The following UBE2L3 variants were observed in gnomAD, a reference collection of about 807,000 sequenced individuals.
UBE2L3 encodes ubiquitin-conjugating enzyme E2 L3.
In UBE2L3, 1 loss-of-function variant was observed where a neutral mutation model predicts 17.8. The ratio of observed to expected loss-of-function variants is 0.06; its 90% CI spans 0.02 to 0.27. The LOEUF (loss-of-function observed/expected upper bound fraction) is 0.27, where lower values mean the gene tolerates loss of function less well. Ranked by LOEUF, UBE2L3 falls within the 10% of genes least tolerant of loss-of-function variation. The pLI is 1.00. For synonymous variants in UBE2L3, 44 were observed against 68.5 expected (o/e 0.64, Z 1.76); for missense variants, 40 against 192.6 (o/e 0.21, Z 4.69).
At chr22:21,594,385 G>A (rs947864163) in intron 2 of UBE2L3, among the ~76,000 whole-genome samples, 4 of 151,666 alleles carry the variant, frequency 2.6e-5, no homozygotes, top group African/African-American at 9.7e-5. Context: ...CCTGATGCTG[G>A]TTATAAGGTG....
At chr22:21,577,573 A>T (rs1380160022) in intron 1 of UBE2L3, among the ~76,000 whole-genome samples, 2 of 152,188 alleles carry the variant, frequency 1.3e-5, no homozygotes, top group Non-Finnish European at 2.9e-5. Context: ...GAGGAGGCTG[A>T]AGTCAGTGGT....
chr22:21,575,792 C>T (rs1312202838), intron 1 of UBE2L3, among the ~76,000 whole-genome samples: 2 of 150,714 alleles, frequency 1.3e-5, no homozygotes, highest in African/African-American at 2.4e-5. Flanking sequence ...TACAGATATG[C>T]GCCACCATAC....
chr22:21,622,007 C>G lies in UBE2L3; in HGVS notation c.*338C>G. ...AAGGTTTAAAAAAAAGGAAAAAAAACGGTTGTGGTTCCCTTTCTTCCCTAC... is the reference window on the plus strand; with the variant it reads ...AAGGTTTAAAAAAAAGGAAAAAAAAGGGTTGTGGTTCCCTTTCTTCCCTAC... On this transcript the variant is annotated 3_prime_UTR_variant, in exon 4 of 4. Coordinates refer to ENST00000342192, the MANE Select transcript of UBE2L3 (RefSeq NM_003347.4). The G allele has an allele frequency of 4.7e-6, 1 of 212,472 alleles. No homozygotes were observed. The highest frequency in any genetic ancestry group is 9.3e-6 in the Non-Finnish European group (1 of 107,298). 13.2% of individuals were successfully genotyped at this position (212,472 alleles called of 1,614,324 possible). A position where few individuals can be genotyped will look rare whatever the true frequency, so the allele number is the denominator to read the frequency against.
chr22:21,567,751 G>A lies in UBE2L3; in HGVS notation c.7G>A (p.Ala3Thr). Reference protein sequence around the residue: MAASRRLMKELEE... With the variant: MATSRRLMKELEE... ...GAGCAGCACCAAATCCAAGATGGCG[G>A]CCAGCAGGAGGCTGATGAAGGTAAA... The change falls in exon 1 of 4, where the codon GCC becomes ACC. Residue 3 changes from alanine (A) to threonine (T), a missense_variant. Physicochemically the swap from Ala to Thr is moderately conservative, Grantham distance 58. Coordinates refer to ENST00000342192, the MANE Select transcript of UBE2L3 (RefSeq NM_003347.4). 1 of 1,583,376 alleles carries A rather than the reference G, an allele frequency of 6.3e-7. No individual in the cohort carries two copies. Among genetic ancestry groups the A allele is most frequent in the Non-Finnish European group, 8.6e-7 (1 of 1,166,374 alleles).
intron 3 of UBE2L3, among the ~76,000 whole-genome samples, chr22:21,620,564 G>A (rs1339243466): frequency 6.6e-6 from 1 of 152,146 alleles, no homozygotes; most frequent in Non-Finnish European, 1.5e-5. Context: ...AGGAGGTGTG[G>A]GTAGCAGCTG....
At chr22:21,565,972 T>C (rs1045165237), upstream of UBE2L3, among the ~76,000 whole-genome samples, 4 of 76,902 alleles carry the variant, frequency 5.2e-5, no homozygotes, top group South Asian at 2.9e-3. Flanking sequence ...AGAGTACTCC[T>C]TTTTTTTTTT....
At chr22:21,572,818 A>C (rs1927057163) in intron 1 of UBE2L3, among the ~76,000 whole-genome samples, 1 of 152,130 alleles carries the variant, frequency 6.6e-6, no homozygotes, top group Admixed American at 6.6e-5. Flanking sequence ...GGCCCCATGC[A>C]TCTCCTCCTG....
At chr22:21,602,197 G>A (rs1284855146) in intron 2 of UBE2L3, among the ~76,000 whole-genome samples, 2 of 152,140 alleles carry the variant, frequency 1.3e-5, no homozygotes, top group Non-Finnish European at 2.9e-5. Context: ...ACCAAGCTAG[G>A]CAGAAGTGAC....
upstream of UBE2L3, among the ~76,000 whole-genome samples, chr22:21,563,689 G>C (rs1479621070): frequency 6.8e-6 from 1 of 146,558 alleles, no homozygotes; most frequent in Non-Finnish European, 1.5e-5. Context: ...CGATTCTCCC[G>C]CCTCAGCCTC....
chr22:21,558,503 C>A (rs529790045), intron 1 of UBE2L3, among the ~76,000 whole-genome samples: 2 of 152,066 alleles, frequency 1.3e-5, no homozygotes, highest in Non-Finnish European at 2.9e-5. Flanking sequence ...TGGTGGCGGG[C>A]GCCTGTAGTC....
intron 1 of UBE2L3, among the ~76,000 whole-genome samples, chr22:21,588,618 C>T (rs1601414136): frequency 6.6e-6 from 1 of 151,150 alleles, no homozygotes; most frequent in East Asian, 1.9e-4. Context: ...TAGCTGGGAC[C>T]ACAGGCATGT....
rs1555883760 is a variant in UBE2L3 at position 21,572,437 on chromosome 22, A to AAG, written c.27+4667_27+4668insGA. Among the ~76,000 whole-genome samples, 257 of 151,266 alleles carry AAG rather than the reference A, an allele frequency of 1.7e-3. 1 individual carries two copies. The highest frequency in any genetic ancestry group is 0.014 in the Middle Eastern group (4 of 294). On this transcript the variant is annotated intron_variant, in intron 1 of 3. Transcript: ENST00000342192. ...GACTCCGTCTCAAAAAAAAAAAAAA[A>AAG]AAAAGAAAACCCTGAGACAAAAACT...
At chr22:21,607,472 G>A (rs1002495753) in intron 2 of UBE2L3, among the ~76,000 whole-genome samples, 6 of 147,508 alleles carry the variant, frequency 4.1e-5, no homozygotes, top group Admixed American at 6.9e-5. Flanking sequence ...CTGAGATCGC[G>A]CCACTGCACT....
chr22:21,593,004 A>C, intron 2 of UBE2L3, 48 bp downstream of exon 2: 1 of 1,544,324 alleles, frequency 6.5e-7, no homozygotes, highest in Non-Finnish European at 9.0e-7. Flanking sequence ...CTTTAAGGTG[A>C]TGTGTGTGCT....
intron 1 of UBE2L3, among the ~76,000 whole-genome samples, chr22:21,558,379 T>C (rs1018672375): frequency 3.3e-5 from 5 of 152,390 alleles, no homozygotes; most frequent in African/African-American, 1.2e-4. Context: ...ACGCCTGTAA[T>C]CCCAGCACTT....
chr22:21,587,415 G>A (rs59166016), intron 1 of UBE2L3, among the ~76,000 whole-genome samples: 12,119 of 151,958 alleles, frequency 0.08, 1,677 homozygotes, highest in African/African-American at 0.28. Context: ...TCCTGACCTC[G>A]TGATCCACCC....
At chr22:21,599,253 C>T (rs187367711) in intron 2 of UBE2L3, among the ~76,000 whole-genome samples, 36 of 152,282 alleles carry the variant, frequency 2.4e-4, no homozygotes, top group African/African-American at 8.7e-4. Flanking sequence ...CAGCACTTGC[C>T]TGTAATTGTC....
At chr22:21,557,390 C>G (rs376333626) in intron 1 of UBE2L3, among the ~76,000 whole-genome samples, 204 of 152,322 alleles carry the variant, frequency 1.3e-3, no homozygotes, top group African/African-American at 4.2e-3. Context: ...AACGAAAAAC[C>G]CAACCCCCCA....
At chr22:21,588,101 T>G (rs1928045452) in intron 1 of UBE2L3, among the ~76,000 whole-genome samples, 1 of 152,204 alleles carries the variant, frequency 6.6e-6, no homozygotes, top group Non-Finnish European at 1.5e-5. Flanking sequence ...GCAGCTGACT[T>G]GGGTTGCTTC....
Sources: allele counts gnomAD v4.1 joint callset (sites outside exome capture counted in the v4.1 genomes callset), GRCh38; gene constraint gnomAD v4.1.1; transcripts MANE v1.5; gene names NCBI Gene and HGNC (gene_info 2026-07-23, HGNC 2026-07-21).